Variants in PRKCB observed in about 807,000 individuals in gnomAD.
PRKCB encodes protein kinase C beta type.
PRKCB carries 13 observed loss-of-function variants against 81.5 expected under a neutral mutation model. The ratio of observed to expected loss-of-function variants is 0.16; its 90% CI spans 0.10 to 0.25. The LOEUF is 0.25. Ranked by LOEUF, PRKCB falls within the 10% of genes least tolerant of loss-of-function variation. The probability of loss-of-function intolerance (pLI) is 1.00; values close to 1 mark genes in which losing one functional copy is unlikely to be tolerated. For missense variants in PRKCB, 509 were observed against 875.7 expected (o/e 0.58, Z 5.29); for synonymous variants, 335 against 321.4 (o/e 1.04, Z -0.45).
chr16:24,132,078 T>C (rs1214581752), intron 9 of PRKCB, among the ~76,000 whole-genome samples: 1 of 152,196 alleles, frequency 6.6e-6, no homozygotes, highest in Non-Finnish European at 1.5e-5. Flanking sequence ...CTTTACTCAC[T>C]AAATATATCC....
At chr16:23,982,338 C>G (rs1351823856) in intron 2 of PRKCB, among the ~76,000 whole-genome samples, 4 of 138,952 alleles carry the variant, frequency 2.9e-5, no homozygotes, top group Non-Finnish European at 4.6e-5. Flanking sequence ...CTTCCCTTTC[C>G]CTTTCCCTTC....
intron 3 of PRKCB, among the ~76,000 whole-genome samples, chr16:24,012,843 C>G (rs186667733): frequency 6.6e-6 from 1 of 152,354 alleles, no homozygotes; most frequent in African/African-American, 2.4e-5. Context: ...CTTGACCACT[C>G]TGAGTACCTT....
chr16:24,131,784 G>A (rs1484837026), intron 9 of PRKCB, among the ~76,000 whole-genome samples: 1 of 152,172 alleles, frequency 6.6e-6, no homozygotes, highest in East Asian at 1.9e-4. Context: ...ATTAAAAGAA[G>A]AGTAATTTTG....
At position 24,094,226 on chromosome 16, in the gene PRKCB, C is replaced by T. The variant is rs763829980; in HGVS notation, c.750C>T (p.Thr250=). The T allele has an allele frequency of 2.0e-5, 33 of 1,614,000 alleles. No homozygotes were observed. In the Admixed American group the frequency reaches 4.7e-4, roughly 23 times the overall value. The change falls in exon 7 of 17, where the codon ACC becomes ACT. Residue 250 remains threonine (T), a synonymous_variant. Transcript: ENST00000643927. ...LSVEIWDWDL[T]SRNDFMGSLS... ...TAGAGATTTGGGATTGGGATTTGAC[C>T]AGCAGGAATGACTTCATGGGATCTT...
intron 2 of PRKCB, among the ~76,000 whole-genome samples, chr16:23,934,322 T>C (rs1403603552): frequency 1.6e-5 from 1 of 62,788 alleles, no homozygotes; most frequent in Non-Finnish European, 3.4e-5. Flanking sequence ...AAAGCTGTTT[T>C]TTTTTTTTTT....
intron 5 of PRKCB, among the ~76,000 whole-genome samples, chr16:24,080,695 G>A (rs148033896): frequency 5.8e-4 from 88 of 152,134 alleles, no homozygotes; most frequent in African/African-American, 2.1e-3. Context: ...AGAGCCCCTG[G>A]AAAAATACGG....
At chr16:24,148,984 T>C (rs1190087534) in intron 9 of PRKCB, among the ~76,000 whole-genome samples, 1 of 152,176 alleles carries the variant, frequency 6.6e-6, no homozygotes, top group Non-Finnish European at 1.5e-5. Context: ...TTATCTGTCA[T>C]GGTTTCTGTG....
chr16:24,214,603 T>G, intron 16 of PRKCB, 55 bp from the exon 17 acceptor site: 1 of 1,468,088 alleles, frequency 6.8e-7, no homozygotes. Context: ...TATTTTGGCT[T>G]TTGTTTTTGT....
At chr16:24,113,480 TCTTC>T (rs761958849) in intron 8 of PRKCB, among the ~76,000 whole-genome samples, 18 of 150,108 alleles carry the variant, frequency 1.2e-4, no homozygotes, top group African/African-American at 2.5e-4. Context: ...CTTCTTCCTT[TCTTC>T]CTTCCTTCCT....
At position 24,109,244 on chromosome 16, in the gene PRKCB, G is replaced by A. The variant is rs1247460764; in HGVS notation, c.822-3729G>A. ...CCAGTAGGGGCGGCCGGGCAGAGGC[G>A]CCCCTCACCTCCCGGACGGGGCGGC... On this transcript the variant is annotated intron_variant, in intron 7 of 16. Coordinates refer to ENST00000643927, the MANE Select transcript of PRKCB (RefSeq NM_002738.7). Among the ~76,000 whole-genome samples the A allele has an allele frequency of 4.1e-5, 3 of 72,456 alleles. No individual in the cohort carries two copies. In the East Asian group the frequency reaches 1.4e-3, roughly 34 times the overall value. 47.5% of individuals were successfully genotyped at this position (72,456 alleles called of 152,430 possible). A position where few individuals can be genotyped will look rare whatever the true frequency, so the allele number is the denominator to read the frequency against.
intron 2 of PRKCB, among the ~76,000 whole-genome samples, chr16:23,852,357 G>C (rs1962487655): frequency 6.6e-6 from 1 of 151,644 alleles, no homozygotes; most frequent in South Asian, 2.1e-4. Flanking sequence ...TTTTTTTCCT[G>C]CATCTATTGA....
rs561803130 is a variant in PRKCB at position 24,185,408 on chromosome 16, G to T, written c.1615-52G>T. 2.0e-5 allele frequency: 30 copies of T among 1,531,138 alleles called. No homozygotes were observed. In the South Asian group the frequency reaches 3.4e-4, roughly 17 times the overall value. 94.8% of individuals were successfully genotyped at this position (1,531,138 alleles called of 1,614,324 possible). ...GGGTCTGCCAGTTGAGGGGAGCTAG[G>T]GGGAGGGTTCAAGCAGGGATTCTTC... On this transcript the variant is annotated intron_variant, in intron 14 of 16. Coordinates refer to ENST00000643927, the MANE Select transcript of PRKCB (RefSeq NM_002738.7).
At chr16:24,109,336 C>T (rs1194766892) in intron 7 of PRKCB, among the ~76,000 whole-genome samples, 41 of 99,206 alleles carry the variant, frequency 4.1e-4, no homozygotes, top group African/African-American at 1.9e-3. Context: ...CGGAGACGCT[C>T]CTCACTTCCC....
At chr16:23,994,588 T>A (rs1248654498) in intron 3 of PRKCB, among the ~76,000 whole-genome samples, 2 of 152,228 alleles carry the variant, frequency 1.3e-5, no homozygotes, top group African/African-American at 4.8e-5. Flanking sequence ...TTCAGCTCTC[T>A]TATTTGGCTT....
At chr16:23,917,657 G>A (rs1453440229) in intron 2 of PRKCB, among the ~76,000 whole-genome samples, 2 of 152,234 alleles carry the variant, frequency 1.3e-5, no homozygotes. Flanking sequence ...CTGGTGGAAG[G>A]CCATTTGTGA....
intron 3 of PRKCB, among the ~76,000 whole-genome samples, chr16:24,020,923 G>T (rs1965349051): frequency 6.6e-6 from 1 of 152,080 alleles, no homozygotes; most frequent in African/African-American, 2.4e-5. Context: ...CCAGATTTCA[G>T]CCCACCTGTG....
At chr16:24,062,474 G>T (rs190589977) in intron 5 of PRKCB, among the ~76,000 whole-genome samples, 170 of 152,382 alleles carry the variant, frequency 1.1e-3, no homozygotes, top group Middle Eastern at 3.4e-3. Flanking sequence ...CAGATGCAGG[G>T]AATGGAGAAA....
intron 3 of PRKCB, among the ~76,000 whole-genome samples, chr16:24,009,932 G>A (rs1033295121): frequency 2.0e-5 from 3 of 152,058 alleles, no homozygotes; most frequent in African/African-American, 4.8e-5. Flanking sequence ...CAGGAGAATC[G>A]CTTGAGGTTG....
rs572745804 is a variant in PRKCB, at chr16:24,063,191, T to C, written c.529+27644T>C. On this transcript the variant is annotated intron_variant, in intron 5 of 16. Coordinates refer to ENST00000643927, the MANE Select transcript of PRKCB (RefSeq NM_002738.7). The stretch of plus-strand genomic sequence containing the variant: ...TCTCTGGATGTCTCACCATGCGTTG[T>C]TGATCCCTTTAACCCTGTCTTCACA... Among the ~76,000 whole-genome samples the C allele has an allele frequency of 3.3e-5, 5 of 152,250 alleles. No homozygotes were observed. In the South Asian group the frequency reaches 1.0e-3, roughly 32 times the overall value.
Sources: gnomAD v4.1 joint callset for allele counts (sites outside exome capture counted in the v4.1 genomes callset) on GRCh38, gnomAD v4.1.1 for gene constraint, MANE v1.5 for transcripts, NCBI Gene and HGNC (gene_info 2026-07-23, HGNC 2026-07-21) for gene names.